DOK6: variants seen among roughly 807,000 people sequenced by gnomAD.
DOK6 encodes docking protein 6, also known as downstream of tyrosine kinase 6.
In DOK6, 22 loss-of-function variants were observed where a neutral mutation model predicts 44.0. The ratio of observed to expected loss-of-function variants is 0.50; its 90% CI spans 0.36 to 0.71. DOK6 has a LOEUF of 0.71. Ranked by LOEUF, DOK6 falls within the 30% of genes least tolerant of loss-of-function variation. DOK6 has a pLI of 0.00. For missense variants in DOK6, 340 were observed against 416.4 expected, an observed-to-expected ratio of 0.82 and a Z score of 1.60; for synonymous variants, 166 against 145.5, an observed-to-expected ratio of 1.14 and a Z score of -1.01.
chr18:69,839,384 C>G (rs575010789), intron 7 of DOK6, among the ~76,000 whole-genome samples: 1 of 148,920 alleles, frequency 6.7e-6, no homozygotes, highest in African/African-American at 2.5e-5. Flanking sequence ...CTTCCCTAGT[C>G]TCTCCCTAGC....
In DOK6 at chr18:69,735,862, G is replaced by A. The variant is rs148908739; in HGVS notation, c.600-3103G>A. Among the ~76,000 whole-genome samples, 22 of 152,340 alleles carry A rather than the reference G, an allele frequency of 1.4e-4. No individual in the cohort carries two copies. The Middle Eastern group carries it at 0.014, about 94-fold the overall frequency. On this transcript the variant is annotated intron_variant, in intron 5 of 7. Coordinates refer to ENST00000382713, the MANE Select transcript of DOK6 (RefSeq NM_152721.6). ...ATAGGCCTATCCTAAAAATAGGAATGGAGAATGTGCAGGGTTTGAATAACC... is the reference window on the plus strand; with the variant it reads ...ATAGGCCTATCCTAAAAATAGGAATAGAGAATGTGCAGGGTTTGAATAACC...
intron 1 of DOK6, among the ~76,000 whole-genome samples, chr18:69,456,279 C>T (rs1979631357): frequency 6.6e-6 from 1 of 151,918 alleles, no homozygotes; most frequent in African/African-American, 2.4e-5. Flanking sequence ...GAGCATAGTA[C>T]CCAATAGGTA....
chr18:69,761,394 C>T (rs1229934559), intron 7 of DOK6, among the ~76,000 whole-genome samples: 1 of 152,140 alleles, frequency 6.6e-6, no homozygotes, highest in East Asian at 1.9e-4. Flanking sequence ...GATTGTTGCC[C>T]AACACTGCTG....
intron 5 of DOK6, among the ~76,000 whole-genome samples, chr18:69,703,862 T>A (rs193051799): frequency 6.6e-6 from 1 of 152,272 alleles, no homozygotes; most frequent in Non-Finnish European, 1.5e-5. Context: ...CCTTTATAGA[T>A]GGAATTAAAG....
chr18:69,566,577 A>T (rs1031141664), intron 2 of DOK6, among the ~76,000 whole-genome samples: 6 of 152,202 alleles, frequency 3.9e-5, no homozygotes, highest in Non-Finnish European at 7.3e-5. Context: ...GGTAATTTGG[A>T]CACAGATGGG....
chr18:69,688,251 T>C lies in DOK6; in HGVS notation c.410-10153T>C, dbSNP rs138970975. ...ATTGGAACACTCAATATCATTAAGA[T>C]ATCAGTCTTCAGAGATTGATCTGTA... On this transcript the variant is annotated intron_variant, in intron 4 of 7. Coordinates refer to ENST00000382713, the MANE Select transcript of DOK6 (RefSeq NM_152721.6). Among the ~76,000 whole-genome samples the C allele has an allele frequency of 6.0e-4, 92 of 152,322 alleles. 1 individual carries two copies. The highest frequency in any genetic ancestry group is 2.1e-3 in the African/African-American group (88 of 41,574).
At chr18:69,768,038 T>C (rs964038471) in intron 7 of DOK6, among the ~76,000 whole-genome samples, 1 of 152,202 alleles carries the variant, frequency 6.6e-6, no homozygotes, top group Admixed American at 6.5e-5. Context: ...GTTCAGTCTC[T>C]ATATTTTTCT....
chr18:69,804,123 C>T (rs1790582), intron 7 of DOK6, among the ~76,000 whole-genome samples: 4,784 of 152,096 alleles, frequency 0.031, 274 homozygotes, highest in African/African-American at 0.11. Flanking sequence ...CAGAAGAGAG[C>T]AATACAAAGA....
At chr18:69,806,852 T>C (rs1190638721) in intron 7 of DOK6, among the ~76,000 whole-genome samples, 1 of 151,972 alleles carries the variant, frequency 6.6e-6, no homozygotes, top group African/African-American at 2.4e-5. Flanking sequence ...CACGATCCAA[T>C]CAAGTACATC....
At chr18:69,419,573 G>T (rs1754401217) in intron 1 of DOK6, among the ~76,000 whole-genome samples, 1 of 152,106 alleles carries the variant, frequency 6.6e-6, no homozygotes, top group African/African-American at 2.4e-5. Flanking sequence ...TAATTGTTTT[G>T]CTCTGCAGTT....
At chr18:69,580,868 T>A (rs144392754) in intron 2 of DOK6, among the ~76,000 whole-genome samples, 5 of 152,142 alleles carry the variant, frequency 3.3e-5, no homozygotes, top group African/African-American at 1.2e-4. Context: ...ATAACCACAA[T>A]TCTACTCTTC....
chr18:69,784,793 T>C (rs1980381821), intron 7 of DOK6, among the ~76,000 whole-genome samples: 1 of 152,210 alleles, frequency 6.6e-6, no homozygotes, highest in African/African-American at 2.4e-5. Flanking sequence ...CAAAAGTTAA[T>C]GAGAGATTCA....
intron 1 of DOK6, among the ~76,000 whole-genome samples, chr18:69,525,889 G>C (rs1476309490): frequency 1.3e-5 from 2 of 152,140 alleles, no homozygotes; most frequent in Non-Finnish European, 2.9e-5. Context: ...TTTGAGTCAT[G>C]TGTAAATCTG....
intron 2 of DOK6, among the ~76,000 whole-genome samples, chr18:69,585,128 G>C (rs898898971): frequency 2.0e-5 from 3 of 151,422 alleles, no homozygotes; most frequent in African/African-American, 7.3e-5. Context: ...ATTCTTTGCT[G>C]TCAACCTGTT....
chr18:69,468,615 G>C (rs1298735762), intron 1 of DOK6, among the ~76,000 whole-genome samples: 1 of 152,158 alleles, frequency 6.6e-6, no homozygotes, highest in Admixed American at 6.5e-5. Context: ...GAGAAGCACG[G>C]ATGTGGCTGC....
intron 5 of DOK6, among the ~76,000 whole-genome samples, chr18:69,711,629 AT>A (rs1182480911): frequency 1.3e-5 from 2 of 152,122 alleles, no homozygotes; most frequent in Non-Finnish European, 2.9e-5. Context: ...TTCCTTTGAC[AT>A]TTGTTTGTCC....
chr18:69,798,526 A>T (rs1191974672), intron 7 of DOK6, among the ~76,000 whole-genome samples: 2 of 151,984 alleles, frequency 1.3e-5, no homozygotes, highest in African/African-American at 2.4e-5. Flanking sequence ...CTACTGTTAA[A>T]TTTTTTTAAT....
intron 1 of DOK6, among the ~76,000 whole-genome samples, chr18:69,508,074 T>G (rs1004216155): frequency 6.6e-6 from 1 of 152,204 alleles, no homozygotes; most frequent in Non-Finnish European, 1.5e-5. Flanking sequence ...ATTTTTTTCA[T>G]GAATGGATGT....
At chr18:69,728,763 A>C (rs979745501) in intron 5 of DOK6, among the ~76,000 whole-genome samples, 17 of 152,204 alleles carry the variant, frequency 1.1e-4, no homozygotes, top group African/African-American at 4.1e-4. Flanking sequence ...TACCTTCTCA[A>C]CTACAAGCTG....
Sources: allele counts gnomAD v4.1 joint callset (sites outside exome capture counted in the v4.1 genomes callset), GRCh38; gene constraint gnomAD v4.1.1; transcripts MANE v1.5; gene names NCBI Gene and HGNC (gene_info 2026-07-23, HGNC 2026-07-21).